The following RAB31 variants were observed in gnomAD, a reference collection of about 807,000 sequenced individuals.
RAB31 encodes the protein ras-related protein Rab-31.
A neutral mutation model predicts 25.6 loss-of-function variants in RAB31; 21 were observed. That is an observed-to-expected ratio of 0.82 (90% CI 0.58 to 1.18). The LOEUF (loss-of-function observed/expected upper bound fraction) is 1.18. RAB31 is among the 50% of genes most tolerant of loss of function. The pLI is 0.00. For synonymous variants in RAB31, 87 were observed against 84.0 expected, an observed-to-expected ratio of 1.04 and a Z score of -0.20; for missense variants, 196 against 250.1, an observed-to-expected ratio of 0.78 and a Z score of 1.46.
chr18:9,736,611 G>C (rs1159161613), intron 1 of RAB31, among the ~76,000 whole-genome samples: 1 of 152,104 alleles, frequency 6.6e-6, no homozygotes, highest in Non-Finnish European at 1.5e-5. Flanking sequence ...CATTCCTCTT[G>C]GGAGTATTTT....
At chr18:9,802,429 C>T (rs2068518632) in intron 3 of RAB31, among the ~76,000 whole-genome samples, 1 of 152,176 alleles carries the variant, frequency 6.6e-6, no homozygotes, top group Non-Finnish European at 1.5e-5. Context: ...AATCCCAGTA[C>T]TTTGGGAGGC....
intron 1 of RAB31, among the ~76,000 whole-genome samples, chr18:9,746,219 A>G (rs1363161336): frequency 6.6e-6 from 1 of 152,236 alleles, no homozygotes; most frequent in Non-Finnish European, 1.5e-5. Context: ...GGTGAAAAAC[A>G]TATACAATGA....
chr18:9,824,264 GTGTAGATGTGTA>G (rs1342761308), intron 5 of RAB31, among the ~76,000 whole-genome samples: 3 of 151,746 alleles, frequency 2.0e-5, no homozygotes, highest in South Asian at 2.1e-4. Context: ...ATGAGTGTGT[GTGTAGATGTGTA>G]TGTAGATGTG....
chr18:9,808,718 C>T (rs1026817245), intron 3 of RAB31, among the ~76,000 whole-genome samples: 3 of 152,166 alleles, frequency 2.0e-5, no homozygotes, highest in Admixed American at 6.5e-5. Flanking sequence ...GCGCCCAGGC[C>T]GAGCCTGAGC....
At chr18:9,717,206 G>T (rs866071661) in intron 1 of RAB31, among the ~76,000 whole-genome samples, 1 of 152,040 alleles carries the variant, frequency 6.6e-6, no homozygotes, top group Non-Finnish European at 1.5e-5. Flanking sequence ...CCGAAAAGTC[G>T]GATTTAACAT....
intron 2 of RAB31, among the ~76,000 whole-genome samples, chr18:9,789,420 G>A (rs762890529): frequency 2.1e-4 from 32 of 152,144 alleles, no homozygotes; most frequent in Non-Finnish European, 3.8e-4. Context: ...AAATGTTCAA[G>A]GTGATGAATA....
chr18:9,719,755 C>G (rs543866559), intron 1 of RAB31, among the ~76,000 whole-genome samples: 1 of 152,228 alleles, frequency 6.6e-6, no homozygotes, highest in South Asian at 2.1e-4. Context: ...TTATTCTCTC[C>G]ACTTCACACG....
rs116775973 is a variant in RAB31 at position 9,855,004 on chromosome 18, A to G, written c.491-4224A>G. Among the ~76,000 whole-genome samples the G allele has an allele frequency of 4.8e-3, 726 of 152,358 alleles. 6 individuals carry two copies. The highest frequency in any genetic ancestry group is 0.016 in the African/African-American group (675 of 41,582). ...TGGAATGAAAGGAGAGAAGAATTAC[A>G]TACAGTGGAATGGTTAGCGGGAGAA... On this transcript the variant is annotated intron_variant, in intron 6 of 6. Transcript: ENST00000578921.
chr18:9,790,016 A>G (rs1228943182), intron 2 of RAB31, among the ~76,000 whole-genome samples: 2 of 152,138 alleles, frequency 1.3e-5, no homozygotes, highest in Non-Finnish European at 2.9e-5. Context: ...AGGAAATATT[A>G]CTATGATGAA....
At chr18:9,829,616 C>G (rs2068667289) in intron 5 of RAB31, among the ~76,000 whole-genome samples, 1 of 152,190 alleles carries the variant, frequency 6.6e-6, no homozygotes, top group South Asian at 2.1e-4. Context: ...CTAGGTAATG[C>G]CAACGTCTTT....
intron 1 of RAB31, among the ~76,000 whole-genome samples, chr18:9,763,461 A>G (rs1431409968): frequency 1.3e-5 from 2 of 152,142 alleles, no homozygotes; most frequent in African/African-American, 4.8e-5. Flanking sequence ...AAAACGAAAC[A>G]TTTATAACTG....
intron 5 of RAB31, among the ~76,000 whole-genome samples, chr18:9,824,182 G>C (rs1262567359): frequency 6.6e-6 from 1 of 152,090 alleles, no homozygotes; most frequent in Non-Finnish European, 1.5e-5. Context: ...GTAGATATGT[G>C]TGTGTAGATA....
At chr18:9,714,312 A>G (rs1442400858) in intron 1 of RAB31, among the ~76,000 whole-genome samples, 1 of 152,222 alleles carries the variant, frequency 6.6e-6, no homozygotes, top group Non-Finnish European at 1.5e-5. Context: ...ATCATCAGGC[A>G]TTAGTTAGAT....
chr18:9,765,777 C>T (rs945090213), intron 1 of RAB31, among the ~76,000 whole-genome samples: 6 of 152,234 alleles, frequency 3.9e-5, no homozygotes, highest in South Asian at 2.1e-4. Flanking sequence ...GGAGCTCTCC[C>T]GGGAGTTCAC....
intron 1 of RAB31, among the ~76,000 whole-genome samples, chr18:9,742,125 G>C (rs1490557347): frequency 6.6e-6 from 1 of 152,230 alleles, no homozygotes; most frequent in African/African-American, 2.4e-5. Flanking sequence ...GCTCGAAGTG[G>C]GAAGGCAAGG....
At chr18:9,850,200 A>G (rs756064055) in intron 6 of RAB31, among the ~76,000 whole-genome samples, 13 of 152,238 alleles carry the variant, frequency 8.5e-5, no homozygotes, top group Non-Finnish European at 1.5e-4. Context: ...GGATTGGCAT[A>G]GGAACAAGTG....
intron 2 of RAB31, among the ~76,000 whole-genome samples, chr18:9,777,329 A>C (rs1411972480): frequency 6.6e-6 from 1 of 152,220 alleles, no homozygotes; most frequent in African/African-American, 2.4e-5. Context: ...CATCTCAAAT[A>C]AGTAAATAGA....
At chr18:9,786,045 T>TGAGA (rs914015509) in intron 2 of RAB31, among the ~76,000 whole-genome samples, 6 of 63,834 alleles carry the variant, frequency 9.4e-5, no homozygotes, top group African/African-American at 5.6e-4. Context: ...AGTCAGACTC[T>TGAGA]GAGAAAGAAA....
At chr18:9,828,174 C>T (rs751570984) in intron 5 of RAB31, among the ~76,000 whole-genome samples, 5 of 152,114 alleles carry the variant, frequency 3.3e-5, no homozygotes, top group African/African-American at 4.8e-5. Context: ...GAATATCTAC[C>T]CTGCGCCTGC....
Sources: gnomAD v4.1 joint callset for allele counts (sites outside exome capture counted in the v4.1 genomes callset) on GRCh38, gnomAD v4.1.1 for gene constraint, MANE v1.5 for transcripts, NCBI Gene and HGNC (gene_info 2026-07-23, HGNC 2026-07-21) for gene names.